ADGRL3: variants seen among roughly 807,000 people sequenced by gnomAD.
ADGRL3 encodes the protein adhesion G protein-coupled receptor L3.
ADGRL3 carries 62 observed loss-of-function variants against 153.5 expected under a neutral mutation model. The ratio of observed to expected loss-of-function variants is 0.40; its 90% CI spans 0.33 to 0.50. ADGRL3 has a LOEUF of 0.50. Among genes scored for constraint, ADGRL3 ranks in the 20% least tolerant of loss-of-function variants. The probability of loss-of-function intolerance (pLI) is 0.47; values close to 1 mark genes in which losing one functional copy is unlikely to be tolerated. For synonymous variants in ADGRL3, 710 were observed against 672.5 expected (o/e 1.06, Z -0.86); for missense variants, 1,641 against 1,859.4 (o/e 0.88, Z 2.16).
chr4:61,719,910 G>T (rs948814485), intron 6 of ADGRL3, among the ~76,000 whole-genome samples: 1 of 151,860 alleles, frequency 6.6e-6, no homozygotes, highest in Admixed American at 6.6e-5. Context: ...CCCCCTGTCA[G>T]ACATTACTGA....
At chr4:61,954,067 T>C (rs1327901285) in intron 17 of ADGRL3, among the ~76,000 whole-genome samples, 1 of 152,110 alleles carries the variant, frequency 6.6e-6, no homozygotes, top group African/African-American at 2.4e-5. Context: ...TCTCACATAT[T>C]TCTATCTCCA....
At chr4:61,463,760 G>A (rs2097849995) in intron 2 of ADGRL3, among the ~76,000 whole-genome samples, 1 of 152,146 alleles carries the variant, frequency 6.6e-6, no homozygotes. Flanking sequence ...GGAAGTGGGT[G>A]TCAGCTTGTG....
In ADGRL3 at chr4:61,650,215, A is replaced by AT. The variant is rs1387344174; in HGVS notation, c.474-26603dup. Among the ~76,000 whole-genome samples, 9 of 152,120 alleles carry AT rather than the reference A, an allele frequency of 5.9e-5. No individual in the cohort carries two copies. In the South Asian group the frequency reaches 1.2e-3, roughly 21 times the overall value. ...TACTGTAAATTTATTAAGCAGGATA[A>AT]TTTTTTTTGTAAAAATACCATTTTT... is the stretch of plus-strand genomic sequence containing the variant. On this transcript the variant is annotated intron_variant, in intron 5 of 26. Coordinates refer to ENST00000683033, the MANE Select transcript of ADGRL3 (RefSeq NM_001387552.1).
At chr4:61,864,868 G>A (rs1368597164) in intron 9 of ADGRL3, among the ~76,000 whole-genome samples, 1 of 152,104 alleles carries the variant, frequency 6.6e-6, no homozygotes, top group Non-Finnish European at 1.5e-5. Context: ...GTGAAGCTGT[G>A]GAACTAAAAT....
At chr4:61,926,205 C>G (rs940519959) in intron 13 of ADGRL3, among the ~76,000 whole-genome samples, 8 of 152,138 alleles carry the variant, frequency 5.3e-5, no homozygotes, top group African/African-American at 1.9e-4. Context: ...TTTTATGGGA[C>G]CAGCATGGTA....
At position 61,730,315 on chromosome 4, in the gene ADGRL3, T is replaced by G. The variant is rs911647978; in HGVS notation, c.584-307T>G. On this transcript the variant is annotated intron_variant, in intron 6 of 26. Coordinates refer to ENST00000683033, the MANE Select transcript of ADGRL3 (RefSeq NM_001387552.1). ...CTTTCCAATGGAAATATTGGTGTTCTTATTATGAATATTGCATTTCCTGTG... is the reference window on the plus strand; with the variant it reads ...CTTTCCAATGGAAATATTGGTGTTCGTATTATGAATATTGCATTTCCTGTG... Among the ~76,000 whole-genome samples the G allele has an allele frequency of 6.8e-4, 104 of 152,092 alleles. 1 individual carries two copies. The highest frequency in any genetic ancestry group is 2.4e-3 in the African/African-American group (99 of 41,566).
chr4:61,325,964 A>G (rs544385344), intron 1 of ADGRL3, among the ~76,000 whole-genome samples: 1 of 152,278 alleles, frequency 6.6e-6, no homozygotes, highest in African/African-American at 2.4e-5. Flanking sequence ...AAATATGGCA[A>G]CAGAGAAACT....
At chr4:61,505,815 A>G (rs2098424344) in intron 3 of ADGRL3, among the ~76,000 whole-genome samples, 1 of 92,134 alleles carries the variant, frequency 1.1e-5, no homozygotes, top group Non-Finnish European at 2.1e-5. Flanking sequence ...CTCACATCAC[A>G]TCTTTTAATA....
chr4:61,812,828 A>G (rs1357503392), intron 8 of ADGRL3, among the ~76,000 whole-genome samples: 3 of 152,206 alleles, frequency 2.0e-5, no homozygotes, highest in Non-Finnish European at 4.4e-5. Flanking sequence ...TTTGTGTGTT[A>G]GCTAACAAAA....
intron 9 of ADGRL3, among the ~76,000 whole-genome samples, chr4:61,818,198 T>C (rs1476525442): frequency 1.3e-5 from 2 of 152,052 alleles, no homozygotes; most frequent in African/African-American, 4.8e-5. Flanking sequence ...AGGCAGTAGA[T>C]AAGTACAGCC....
intron 1 of ADGRL3, among the ~76,000 whole-genome samples, chr4:61,209,338 A>G (rs1008739098): frequency 2.0e-5 from 3 of 152,166 alleles, no homozygotes; most frequent in African/African-American, 7.2e-5. Context: ...CAAAATAGAG[A>G]TAATAAAGTT....
chr4:61,788,685 A>G (rs1297500707), intron 8 of ADGRL3, among the ~76,000 whole-genome samples: 1 of 152,192 alleles, frequency 6.6e-6, no homozygotes, highest in Non-Finnish European at 1.5e-5. Context: ...AACCAAGAAG[A>G]AATCTCTGAA....
intron 1 of ADGRL3, among the ~76,000 whole-genome samples, chr4:61,226,089 C>A (rs2149098088): frequency 6.6e-6 from 1 of 152,232 alleles, no homozygotes; most frequent in East Asian, 1.9e-4. Context: ...TCTTGGGTTA[C>A]CTGAGTCACT....
chr4:61,405,848 G>T (rs192764815), intron 2 of ADGRL3, among the ~76,000 whole-genome samples: 1 of 151,806 alleles, frequency 6.6e-6, no homozygotes. Flanking sequence ...GAAAAAGAAC[G>T]CATTTTCTTC....
intron 9 of ADGRL3, among the ~76,000 whole-genome samples, chr4:61,882,666 C>T (rs9683662): frequency 0.21 from 32,102 of 152,078 alleles, 3,824 homozygotes; most frequent in Non-Finnish European, 0.26. Context: ...TCACATACTG[C>T]GCTCCAGCCA....
intron 2 of ADGRL3, among the ~76,000 whole-genome samples, chr4:61,450,757 T>TA (rs541388005): frequency 4.7e-4 from 71 of 152,230 alleles, no homozygotes; most frequent in African/African-American, 1.6e-3. Context: ...CCATGTACAA[T>TA]AGCCTTAAAC....
intron 2 of ADGRL3, among the ~76,000 whole-genome samples, chr4:61,460,855 G>T (rs377330544): frequency 6.6e-6 from 1 of 152,096 alleles, no homozygotes; most frequent in Non-Finnish European, 1.5e-5. Flanking sequence ...GATCACCTGA[G>T]ATCAGAAGTT....
At chr4:61,969,647 TAC>T (rs2099019702) in intron 17 of ADGRL3, among the ~76,000 whole-genome samples, 1 of 152,074 alleles carries the variant, frequency 6.6e-6, no homozygotes, top group African/African-American at 2.4e-5. Flanking sequence ...TACAAATCAA[TAC>T]AGTTAATTCA....
chr4:61,421,562 A>G (rs997180567), intron 2 of ADGRL3, among the ~76,000 whole-genome samples: 16 of 152,204 alleles, frequency 1.1e-4, no homozygotes, highest in African/African-American at 3.9e-4. Context: ...TTTTATACAG[A>G]GAAATCAGGA....
Sources: gnomAD v4.1 joint callset for allele counts (sites outside exome capture counted in the v4.1 genomes callset) on GRCh38, gnomAD v4.1.1 for gene constraint, MANE v1.5 for transcripts, NCBI Gene and HGNC (gene_info 2026-07-23, HGNC 2026-07-21) for gene names.